HP1BP3: variants seen among roughly 807,000 people sequenced by gnomAD.
The protein encoded by HP1BP3 is heterochromatin protein 1 binding protein 3, also known as heterochromatin protein 1-binding protein 3.
HP1BP3 carries 12 observed loss-of-function variants against 62.5 expected under a neutral mutation model. That is an observed-to-expected ratio of 0.19 (90% CI 0.12 to 0.31). HP1BP3 has a LOEUF of 0.31. HP1BP3 is among the 10% of genes least tolerant of loss of function. The pLI, the probability that HP1BP3 is intolerant of heterozygous loss-of-function variation, is 1.00. For synonymous variants in HP1BP3, 260 were observed against 237.8 expected (o/e 1.09, Z -0.86); for missense variants, 502 against 651.8 (o/e 0.77, Z 2.50).
At chr1:20,768,814 C>A (rs2056915463) in intron 6 of HP1BP3, among the ~76,000 whole-genome samples, 1 of 151,434 alleles carries the variant, frequency 6.6e-6, no homozygotes, top group South Asian at 2.1e-4. Context: ...TGTAACAGAG[C>A]GAGACTCCAT....
At chr1:20,778,389 C>T (rs1017645938) in intron 3 of HP1BP3, among the ~76,000 whole-genome samples, 1 of 152,192 alleles carries the variant, frequency 6.6e-6, no homozygotes, top group Admixed American at 6.5e-5. Context: ...ATTAAACAAA[C>T]ATACAACTTG....
At position 20,780,410 on chromosome 1, in the gene HP1BP3, C is replaced by T. The variant is rs368456823; in HGVS notation, c.31G>A (p.Val11Ile). 6.8e-6 allele frequency: 11 copies of T among 1,613,686 alleles called. No individual in the cohort carries two copies. Among genetic ancestry groups the T allele is most frequent in the South Asian group, 1.1e-5 (1 of 91,074 alleles). Residue 11 changes from valine to isoleucine, a missense_variant, in exon 2 of 13, where the codon GTC becomes ATC. Transcript: ENST00000438032. ...ATAAGTGGGAGTGCCTTAGGATGGA[C>T]GAGTTCACCTTGAGACGTATCAGTC... MATDTSQGEL[V>I]HPKALPLIVG...
rs201911030 is a variant in HP1BP3, at chr1:20,783,982, TTTTG to T, written c.-101+3209_-101+3212del. Among the ~76,000 whole-genome samples the T allele has an allele frequency of 6.7e-3, 1,014 of 150,546 alleles. 10 individuals are homozygous for T. The highest frequency in any genetic ancestry group is 0.023 in the African/African-American group (923 of 40,820). ...GCCTTAACATCACTGTACCTATGTT[TTTTG>T]TTTGTTTGTTTTAAGACACGGTCTC... On this transcript the variant is annotated intron_variant, in intron 1 of 12. Transcript: ENST00000438032.
intron 9 of HP1BP3, chr1:20,755,472 G>A (rs2056048238): frequency 5.1e-6 from 2 of 393,502 alleles, no homozygotes; most frequent in Non-Finnish European, 1.1e-5. Flanking sequence ...CTATTAGGGA[G>A]GCTAAGATGG....
intron 6 of HP1BP3, among the ~76,000 whole-genome samples, chr1:20,769,942 T>C (rs528645604): frequency 2.0e-4 from 30 of 152,284 alleles, no homozygotes; most frequent in Admixed American, 4.6e-4. Flanking sequence ...TAGAAAAAAC[T>C]TAACAAGACT....
chr1:20,756,183 C>T (rs1459310550), intron 9 of HP1BP3, among the ~76,000 whole-genome samples: 3 of 152,182 alleles, frequency 2.0e-5, no homozygotes, highest in Middle Eastern at 3.4e-3. Context: ...AAAAAAATAA[C>T]GATTTGTTGA....
chr1:20,761,523 G>C (rs891065346), intron 8 of HP1BP3, among the ~76,000 whole-genome samples: 5 of 106,238 alleles, frequency 4.7e-5, no homozygotes, highest in African/African-American at 1.8e-4. Flanking sequence ...TGGGGGGAGA[G>C]GGAGCAGAGT....
intron 8 of HP1BP3, among the ~76,000 whole-genome samples, chr1:20,763,880 A>G (rs2056622299): frequency 6.6e-6 from 1 of 152,208 alleles, no homozygotes; most frequent in Non-Finnish European, 1.5e-5. Context: ...ATGTATATGT[A>G]TGTACATATG....
At chr1:20,767,778 G>T in intron 6 of HP1BP3, 114 bp from the exon 7 acceptor site, 13 of 478,278 alleles carry the variant, frequency 2.7e-5, no homozygotes, top group East Asian at 7.8e-5. Context: ...CTTCTTCAGA[G>T]AAAAAAAAAA....
At chr1:20,784,476 CTTTTTTTT>C (rs368306686) in intron 1 of HP1BP3, among the ~76,000 whole-genome samples, 12 of 124,508 alleles carry the variant, frequency 9.6e-5, no homozygotes, top group Non-Finnish European at 1.3e-4. Flanking sequence ...TGTGTTTTCC[CTTTTTTTT>C]TTTTTTTTTT....
At chr1:20,785,128 G>T (rs1026173724) in intron 1 of HP1BP3, among the ~76,000 whole-genome samples, 10 of 152,110 alleles carry the variant, frequency 6.6e-5, no homozygotes, top group Non-Finnish European at 7.3e-5. Flanking sequence ...GCCCAAGCTG[G>T]TCTCTAACTC....
At position 20,763,941 on chromosome 1, in the gene HP1BP3, T is replaced by C. The variant is rs139093674; in HGVS notation, c.890+1436A>G. ...TTTTTTGAGACTGAGTCTCACTCTG[T>C]CACCCAGGCTGGAGTGCTAGGATTA... is the stretch of plus-strand genomic sequence containing the variant. On this transcript the variant is annotated intron_variant, in intron 8 of 12. Coordinates refer to ENST00000438032, the MANE Select transcript of HP1BP3 (RefSeq NM_001372052.1). Among the ~76,000 whole-genome samples, 65 of 152,272 alleles carry C rather than the reference T, an allele frequency of 4.3e-4. 1 individual carries two copies. Among genetic ancestry groups the C allele is most frequent in the African/African-American group, 1.4e-3 (57 of 41,578 alleles).
intron 8 of HP1BP3, among the ~76,000 whole-genome samples, chr1:20,763,437 A>G (rs2056597891): frequency 6.6e-6 from 1 of 152,202 alleles, no homozygotes. Context: ...TTAATTTGGC[A>G]TTCTGATGAC....
chr1:20,747,750 T>C, intron 10 of HP1BP3, 95 bp from the exon 11 acceptor site: 1 of 702,838 alleles, frequency 1.4e-6, no homozygotes, highest in Non-Finnish European at 2.5e-6. Context: ...TAATATCCTG[T>C]CACATACGGT....
intron 8 of HP1BP3, among the ~76,000 whole-genome samples, chr1:20,760,014 G>C (rs1486268849): frequency 6.6e-6 from 1 of 150,844 alleles, no homozygotes; most frequent in Non-Finnish European, 1.5e-5. Context: ...TCAGCCTCCT[G>C]AGTAGCTGGG....
chr1:20,757,332 T>C (rs895865203), intron 8 of HP1BP3, 76 bp from the exon 9 acceptor site: 3 of 819,312 alleles, frequency 3.7e-6, no homozygotes, highest in African/African-American at 1.8e-5. Flanking sequence ...GATACAGGGT[T>C]ATTCCCAGAT....
Position 20,744,519 on chromosome 1 carries a change from T to C in HP1BP3, c.*278A>G, listed in dbSNP as rs1162949308. ...AGCTGACCATAAAAACAACAGGGGG[T>C]TGGGGGAGGCAGAGAAAAAGGACAA... On this transcript the variant is annotated 3_prime_UTR_variant, in exon 13 of 13. Coordinates refer to ENST00000438032, the MANE Select transcript of HP1BP3 (RefSeq NM_001372052.1). The C allele has an allele frequency of 7.8e-6, 2 of 257,260 alleles. No homozygotes were observed. Among genetic ancestry groups the C allele is most frequent in the Non-Finnish European group, 7.2e-6 (1 of 138,894 alleles). The allele number at this position is 257,260 out of a possible 1,614,324, so 15.9% of individuals were successfully genotyped here.
intron 1 of HP1BP3, among the ~76,000 whole-genome samples, chr1:20,785,635 C>G (rs2154542070): frequency 6.6e-6 from 1 of 152,290 alleles, no homozygotes; most frequent in African/African-American, 2.4e-5. Context: ...TGTCTCATCT[C>G]AATAAAATCA....
chr1:20,784,951 G>C (rs2057754476), intron 1 of HP1BP3, among the ~76,000 whole-genome samples: 1 of 152,086 alleles, frequency 6.6e-6, no homozygotes. Flanking sequence ...TGTTTATTTT[G>C]AGACAGAGTC....
Sources: allele counts gnomAD v4.1 joint callset (sites outside exome capture counted in the v4.1 genomes callset), GRCh38; gene constraint gnomAD v4.1.1; transcripts MANE v1.5; gene names NCBI Gene and HGNC (gene_info 2026-07-23, HGNC 2026-07-21).